PTPRB: variants seen among roughly 807,000 people sequenced by gnomAD.
The protein encoded by PTPRB is receptor-type tyrosine-protein phosphatase beta.
A neutral mutation model predicts 238.1 loss-of-function variants in PTPRB; 97 were observed. The observed-to-expected ratio is 0.41, with a 90% CI of 0.35 to 0.48. PTPRB has a LOEUF of 0.48. PTPRB is among the 20% of genes least tolerant of loss of function. The pLI, the probability that PTPRB is intolerant of heterozygous loss-of-function variation, is 0.30. For missense variants in PTPRB, 2,292 were observed against 2,681.9 expected (o/e 0.85, Z 3.21); for synonymous variants, 970 against 995.4 (o/e 0.97, Z 0.48).
chr12:70,588,851 G>GT (rs1882203497), intron 8 of PTPRB, among the ~76,000 whole-genome samples: 1 of 152,080 alleles, frequency 6.6e-6, no homozygotes, highest in Non-Finnish European at 1.5e-5. Flanking sequence ...TACTTGGGAG[G>GT]CTGAGGCACA....
At chr12:70,584,084 AT>A (rs1468902843) in intron 9 of PTPRB, among the ~76,000 whole-genome samples, 1 of 152,172 alleles carries the variant, frequency 6.6e-6, no homozygotes, top group African/African-American at 2.4e-5. Flanking sequence ...CACAACATAA[AT>A]TTGAAAGAGA....
Position 70,532,248 on chromosome 12 carries a change from A to AATCTATCT in PTPRB, c.6369-79_6369-78insAGATAGAT, listed in dbSNP as rs112516834. 9.7e-6 allele frequency: 14 copies of AATCTATCT among 1,446,434 alleles called. No homozygotes were observed. In the Admixed American group the frequency reaches 1.8e-4, roughly 18 times the overall value. The allele number at this position is 1,446,434 out of a possible 1,614,324, so 89.6% of individuals were successfully genotyped here. A position where few individuals can be genotyped will look rare whatever the true frequency, so the allele number is the denominator to read the frequency against. The stretch of plus-strand genomic sequence containing the variant: ...AGATTGCATCTAGAGACTCTGGCAC[A>AATCTATCT]ATCTTTTTTTTCCCTTCCCAGTTAT... On this transcript the variant is annotated intron_variant, in intron 31 of 33. Coordinates refer to ENST00000334414, the MANE Select transcript of PTPRB (RefSeq NM_001109754.4).
chr12:70,610,291 T>C (rs1407914298), intron 3 of PTPRB, among the ~76,000 whole-genome samples: 2 of 152,014 alleles, frequency 1.3e-5, no homozygotes, highest in Admixed American at 1.3e-4. Context: ...CTCTGCCTCC[T>C]CCTCCTCCCG....
At position 70,516,142 on chromosome 12, in the gene PTPRB, G is replaced by T. The variant is rs868527707; in HGVS notation, c.*5347C>A. On this transcript the variant is annotated 3_prime_UTR_variant, in exon 34 of 34. Transcript: ENST00000334414. The stretch of plus-strand genomic sequence containing the variant: ...AAAAACATAAAAGTGCTCTATTATA[G>T]AACATAAAAAGTTCAGTTGCTGTAT... 4.6e-5 allele frequency: 7 copies of T among 152,074 alleles called. No individual in the cohort carries two copies. Among genetic ancestry groups the T allele is most frequent in the South Asian group, 2.1e-4 (1 of 4,826 alleles). The allele number at this position is 152,074 out of a possible 1,614,324, so 9.4% of individuals were successfully genotyped here.
chr12:70,555,390 G>C (rs1877503934), intron 19 of PTPRB, 81 bp from the exon 20 acceptor site: 6 of 1,316,886 alleles, frequency 4.6e-6, no homozygotes, highest in Non-Finnish European at 5.3e-6. Flanking sequence ...TGAAATGAAG[G>C]ATTCTGCTCT....
In PTPRB at chr12:70,581,134, C is replaced by T. The variant is rs1240095217; in HGVS notation, c.2480G>A (p.Ser827Asn). ...GCTGCCGGACTTGAGAGAGTGGAAGCTGTATCTGCTGGTCTCACTGGAGAT... is the reference window on the plus strand; with the variant it reads ...GCTGCCGGACTTGAGAGAGTGGAAGTTGTATCTGCTGGTCTCACTGGAGAT... Reference protein sequence around the residue: ...ESISSETSRYSFHSLKSGSLY... With the variant: ...ESISSETSRYNFHSLKSGSLY... Residue 827 changes from serine (S) to asparagine (N), a missense_variant, in exon 10 of 34, where the codon AGC becomes AAC. Physicochemically the swap from Ser to Asn is conservative, Grantham distance 46 (BLOSUM62 1). Transcript: ENST00000334414. 1 of 1,613,962 alleles carries T rather than the reference C, an allele frequency of 6.2e-7. No individual in the cohort carries two copies. Among genetic ancestry groups the T allele is most frequent in the South Asian group, 1.1e-5 (1 of 91,080 alleles).
Position 70,539,851 on chromosome 12 carries a change from AGAG to A in PTPRB, c.5679-10_5679-8del. On this transcript the variant is annotated splice_polypyrimidine_tract_variant and splice_region_variant and intron_variant, in intron 24 of 33. Transcript: ENST00000334414. ...CCAAGAAGTTTTCCGGTTACTGTGA[AGAG>A]AAGCCAAAAGAGGAAGACTTTGTTA... The A allele has an allele frequency of 1.9e-6, 3 of 1,580,186 alleles. No homozygotes were observed. Among genetic ancestry groups the A allele is most frequent in the Non-Finnish European group, 2.6e-6 (3 of 1,149,062 alleles).
chr12:70,556,788 T>C (rs997129655), intron 18 of PTPRB, among the ~76,000 whole-genome samples: 15 of 152,254 alleles, frequency 9.9e-5, no homozygotes, highest in African/African-American at 3.4e-4. Context: ...ACAACTTACA[T>C]ATAGAGAAGC....
intron 4 of PTPRB, among the ~76,000 whole-genome samples, chr12:70,601,017 G>A (rs1184388073): frequency 6.6e-6 from 1 of 151,930 alleles, no homozygotes; most frequent in Non-Finnish European, 1.5e-5. Context: ...ACAGGCGCCT[G>A]CCACCACGCC....
intron 9 of PTPRB, among the ~76,000 whole-genome samples, 155 bp from the exon 10 acceptor site, chr12:70,581,457 G>A (rs1881386538): frequency 6.6e-6 from 1 of 152,170 alleles, no homozygotes; most frequent in Admixed American, 6.5e-5. Context: ...TGTGGCATAT[G>A]GAGAACTACT....
intron 26 of PTPRB, 60 bp from the exon 27 acceptor site, chr12:70,539,074 A>G: frequency 7.8e-7 from 1 of 1,282,038 alleles, no homozygotes; most frequent in Non-Finnish European, 1.1e-6. Context: ...AGCAAATCAT[A>G]CAGTCCTGGA....
At chr12:70,594,014 T>C (rs1206624807) in intron 6 of PTPRB, among the ~76,000 whole-genome samples, 1 of 152,230 alleles carries the variant, frequency 6.6e-6, no homozygotes, top group African/African-American at 2.4e-5. Flanking sequence ...TAGGGTAGGC[T>C]GTGGGAGTAG....
chr12:70,607,970 AT>A (rs529200575), intron 4 of PTPRB, among the ~76,000 whole-genome samples: 90 of 148,364 alleles, frequency 6.1e-4, no homozygotes, highest in African/African-American at 2.0e-3. Context: ...GGGCATTTTG[AT>A]TTTTTTCTTT....
intron 5 of PTPRB, among the ~76,000 whole-genome samples, chr12:70,595,834 T>A (rs1882961602): frequency 6.6e-6 from 1 of 152,126 alleles, no homozygotes; most frequent in Non-Finnish European, 1.5e-5. Flanking sequence ...TCCCATGACT[T>A]CTTCAAAACC....
chr12:70,596,576 C>CT (rs1381215312), intron 4 of PTPRB, among the ~76,000 whole-genome samples: 1 of 149,932 alleles, frequency 6.7e-6, no homozygotes, highest in Non-Finnish European at 1.5e-5. Context: ...TCTACTGAAA[C>CT]TTTTTTTGTT....
chr12:70,528,319 A>G (rs1328448645), intron 32 of PTPRB, among the ~76,000 whole-genome samples: 3 of 152,196 alleles, frequency 2.0e-5, no homozygotes, highest in African/African-American at 7.2e-5. Flanking sequence ...TGAGGTTTGA[A>G]CTTCATTTTA....
intron 2 of PTPRB, among the ~76,000 whole-genome samples, chr12:70,625,917 A>T (rs1885153850): frequency 6.6e-6 from 1 of 152,158 alleles, no homozygotes; most frequent in African/African-American, 2.4e-5. Flanking sequence ...GGGTACTATC[A>T]CCTTACAAAG....
At chr12:70,537,434 AT>A (rs1043724279) in intron 28 of PTPRB, among the ~76,000 whole-genome samples, 52 of 152,242 alleles carry the variant, frequency 3.4e-4, no homozygotes, top group African/African-American at 1.2e-3. Context: ...CAGGTTTCCC[AT>A]GCCATTGCCT....
At chr12:70,553,717 C>G (rs1328800000) in intron 20 of PTPRB, among the ~76,000 whole-genome samples, 1 of 152,198 alleles carries the variant, frequency 6.6e-6, no homozygotes, top group African/African-American at 2.4e-5. Context: ...CAATGAGCTT[C>G]AAGAAGTGGT....
Sources: gnomAD v4.1 joint callset for allele counts (sites outside exome capture counted in the v4.1 genomes callset) on GRCh38, gnomAD v4.1.1 for gene constraint, MANE v1.5 for transcripts, NCBI Gene and HGNC (gene_info 2026-07-23, HGNC 2026-07-21) for gene names.